The following GLMN variants were observed in gnomAD, a reference collection of about 807,000 sequenced individuals.
The protein encoded by GLMN is glomulin.
A neutral mutation model predicts 87.8 loss-of-function variants in GLMN; 75 were observed. The observed-to-expected ratio is 0.85, with a 90% CI of 0.71 to 1.04. The LOEUF is 1.04. Among genes scored for constraint, GLMN ranks in the 50% least tolerant of loss-of-function variants. The pLI is 0.00. For missense variants in GLMN, 588 were observed against 658.8 expected (o/e 0.89, Z 1.18); for synonymous variants, 206 against 221.6 (o/e 0.93, Z 0.63).
At chr1:92,327,313 G>A in the GLMN span, among the ~76,000 whole-genome samples, 1 of 152,120 alleles carries the variant, frequency 6.6e-6, no homozygotes, top group African/African-American at 2.4e-5. Flanking sequence ...AGGTCTCGTA[G>A]TAACTGTTTT....
At position 92,262,847 on chromosome 1, in the gene GLMN, C is replaced by T. The variant is rs770779920; in HGVS notation, c.1473+16G>A. On this transcript the variant is annotated intron_variant, in intron 16 of 18. Coordinates refer to ENST00000370360, the MANE Select transcript of GLMN (RefSeq NM_053274.3). ...TTTGAATATACTCACAGTTTCTTTT[C>T]AAATACTTCACTTACTTGATTGTCA... 8 of 1,014,926 alleles carry T rather than the reference C, an allele frequency of 7.9e-6. No individual in the cohort carries two copies. Among genetic ancestry groups the T allele is most frequent in the South Asian group, 5.1e-5 (4 of 78,972 alleles). The allele number at this position is 1,014,926 out of a possible 1,614,324, so 62.9% of individuals were successfully genotyped here.
At chr1:92,253,725 C>CTTA (rs1485910173) in intron 16 of GLMN, among the ~76,000 whole-genome samples, 2 of 152,300 alleles carry the variant, frequency 1.3e-5, no homozygotes, top group East Asian at 3.9e-4. Flanking sequence ...ATAGCATTAA[C>CTTA]GTCAACAAAA....
At chr1:92,330,037 G>A in the GLMN span, among the ~76,000 whole-genome samples, 2 of 152,186 alleles carry the variant, frequency 1.3e-5, no homozygotes, top group Non-Finnish European at 2.9e-5. Flanking sequence ...GGTAGGAGTG[G>A]ACCACAAGGT....
the GLMN span, among the ~76,000 whole-genome samples, chr1:92,344,658 C>A: frequency 0.019 from 2,966 of 152,118 alleles, 120 homozygotes; most frequent in African/African-American, 0.067. Context: ...TATGCATTTT[C>A]AACTTTATTA....
the GLMN span, among the ~76,000 whole-genome samples, chr1:92,332,860 A>G: frequency 4.6e-5 from 7 of 152,152 alleles, no homozygotes; most frequent in African/African-American, 9.6e-5. Flanking sequence ...AGGATCTCAG[A>G]CTGTAATTCT....
chr1:92,343,277 AT>A, the GLMN span, among the ~76,000 whole-genome samples: 1 of 152,156 alleles, frequency 6.6e-6, no homozygotes, highest in African/African-American at 2.4e-5. Context: ...TGTCCGTTGG[AT>A]TTGGCAGTAT....
intron 9 of GLMN, among the ~76,000 whole-genome samples, chr1:92,269,450 T>G (rs1656003594): frequency 6.6e-6 from 1 of 152,060 alleles, no homozygotes; most frequent in Non-Finnish European, 1.5e-5. Flanking sequence ...TTACCAACTT[T>G]TGGAGTAAGA....
At position 92,264,584 on chromosome 1, in the gene GLMN, AT is replaced by A; in HGVS notation, c.1268del (p.Asn423IlefsTer10). 1.3e-6 allele frequency: 2 copies of A among 1,588,484 alleles called. No homozygotes were observed. The highest frequency in any genetic ancestry group is 1.7e-6 in the Non-Finnish European group (2 of 1,156,736). ...HSGVEAFIIQNIKNQIDMSLK... is the reference protein window; with the variant it reads ...HSGVEAFIIQXIKNQIDMSLK... Reference sequence around the variant, plus strand: ...ATGACATGTCAATTTGATTTTTGATATTTTGAATAATAAAAGCCTCCACACC... The same window carrying A: ...ATGACATGTCAATTTGATTTTTGATATTTGAATAATAAAAGCCTCCACACC... On this transcript the variant is annotated frameshift_variant, in exon 14 of 19. Transcript: ENST00000370360. LOFTEE classifies it high-confidence loss of function.
At position 92,297,905 on chromosome 1, in the gene GLMN, T is replaced by C. The variant is rs1235562726; in HGVS notation, c.39+56A>G. ...TGACCACAAATATAATTAAAAACAA[T>C]CTGTGCCCTTCCCATATTTTGAAAG... On this transcript the variant is annotated intron_variant, in intron 2 of 18. Transcript: ENST00000370360. 4.6e-6 allele frequency: 4 copies of C among 873,536 alleles called. No individual in the cohort carries two copies. In the East Asian group the frequency reaches 9.8e-5, roughly 21 times the overall value. 54.1% of individuals were successfully genotyped at this position (873,536 alleles called of 1,614,324 possible). A position where few individuals can be genotyped will look rare whatever the true frequency, so the allele number is the denominator to read the frequency against.
At chr1:92,302,309 A>C (rs1431974543), upstream of GLMN, among the ~76,000 whole-genome samples, 2 of 151,456 alleles carry the variant, frequency 1.3e-5, no homozygotes. Flanking sequence ...AATGGGAAAA[A>C]AGAAAAATGA....
At chr1:92,300,322 C>T, upstream of GLMN, 1 of 1,095,342 alleles carries the variant, frequency 9.1e-7, no homozygotes, top group Non-Finnish European at 1.3e-6. Flanking sequence ...ATAATGGTTA[C>T]CTTTTTTTTT....
chr1:92,297,480 T>C lies in GLMN; in HGVS notation c.89A>G (p.Gln30Arg). 6.2e-7 allele frequency: 1 copy of C among 1,611,436 alleles called. No individual in the cohort carries two copies. The highest frequency in any genetic ancestry group is 1.3e-5 in the African/African-American group (1 of 74,340). ...DFKEEDFGLF[Q>R]LAGQRCIEEG... is the part of the protein sequence containing the mutation. ...TTCTATGCATCTTTGCCCAGCTAAC[T>C]GAAATAGGCCAAAATCCTCTTCTTT... The change falls in exon 3 of 19, where the codon CAG (glutamine) becomes CGG (arginine). Residue 30 changes from glutamine to arginine, a missense_variant. Physicochemically the swap from Gln to Arg is conservative, Grantham distance 43. Transcript: ENST00000370360.
Position 92,246,603 on chromosome 1 carries a change from A to G in GLMN, c.1712T>C (p.Val571Ala). The stretch of plus-strand genomic sequence containing the variant: ...AATGAGTTCTTCCACTCGAGCTAGA[A>G]CACTTTCAATCAAATCAAATGTGAA... ...ALFTFDLIES[V>A]LARVEELIEI... The change falls in exon 19 of 19, where the codon GTT becomes GCT. Residue 571 changes from valine (V) to alanine (A), a missense_variant. Coordinates refer to ENST00000370360, the MANE Select transcript of GLMN (RefSeq NM_053274.3). The G allele has an allele frequency of 6.3e-7, 1 of 1,598,948 alleles. No individual in the cohort carries two copies. The highest frequency in any genetic ancestry group is 8.6e-7 in the Non-Finnish European group (1 of 1,166,212).
At chr1:92,250,257 T>A (rs1653285614) in intron 16 of GLMN, among the ~76,000 whole-genome samples, 1 of 152,050 alleles carries the variant, frequency 6.6e-6, no homozygotes, top group Non-Finnish European at 1.5e-5. Context: ...GTAGCCATTA[T>A]CTAAAACTTG....
chr1:92,361,580 T>A, the GLMN span, among the ~76,000 whole-genome samples: 6 of 152,158 alleles, frequency 3.9e-5, no homozygotes, highest in African/African-American at 1.4e-4. Flanking sequence ...ATGATTCATA[T>A]TTTCCCATGT....
chr1:92,324,838 T>C, the GLMN span, among the ~76,000 whole-genome samples: 20 of 152,164 alleles, frequency 1.3e-4, no homozygotes, highest in Non-Finnish European at 2.6e-4. Flanking sequence ...TCAAAATAGT[T>C]TGTAAAAGAG....
intron 2 of GLMN, 146 bp from the exon 3 acceptor site, chr1:92,297,675 A>T (rs986210831): frequency 5.5e-6 from 4 of 727,308 alleles, no homozygotes; most frequent in Admixed American, 2.8e-5. Context: ...CACACGTATC[A>T]AAATTAGGAT....
chr1:92,290,265 C>T lies in GLMN; in HGVS notation c.327G>A (p.Leu109=). Residue 109 remains leucine, a synonymous_variant, in exon 5 of 19, where the codon CTG becomes CTA. Transcript: ENST00000370360. ...TCTGTTTTCCAGAGGGCTCTTCAAT[C>T]AGTTCAAGCAAACCCAACAATAATT... The part of the protein sequence containing the change: ...PKELLLGLLE[L]IEEPSGKQIS... 1.2e-6 allele frequency: 2 copies of T among 1,609,166 alleles called. No individual in the cohort carries two copies. Among genetic ancestry groups the T allele is most frequent in the Non-Finnish European group, 1.7e-6 (2 of 1,175,764 alleles).
intron 16 of GLMN, chr1:92,248,208 T>C (rs960379559): frequency 2.4e-6 from 1 of 423,644 alleles, no homozygotes; most frequent in Non-Finnish European, 4.2e-6. Flanking sequence ...ACCATTTGGA[T>C]AGCTCCAGGT....
Sources: gnomAD v4.1 joint callset for allele counts (sites outside exome capture counted in the v4.1 genomes callset) on GRCh38, gnomAD v4.1.1 for gene constraint, MANE v1.5 for transcripts, NCBI Gene and HGNC (gene_info 2026-07-23, HGNC 2026-07-21) for gene names.